Variants in RBFOX1 observed in about 807,000 individuals in gnomAD.
RBFOX1 encodes RNA binding fox-1 homolog 1, also known as RNA binding protein fox-1 homolog 1.
A neutral mutation model predicts 57.7 loss-of-function variants in RBFOX1; 8 were observed. That is an observed-to-expected ratio of 0.14 (90% confidence interval 0.08 to 0.25). RBFOX1 has a LOEUF of 0.25. RBFOX1 is among the 10% of genes least tolerant of loss of function. The probability of loss-of-function intolerance (pLI) is 1.00; values close to 1 mark genes in which losing one functional copy is unlikely to be tolerated. For missense variants in RBFOX1, 611 were observed against 548.5 expected (o/e 1.11, Z -1.14); for synonymous variants, 326 against 222.4 (o/e 1.47, Z -4.15).
chr16:6,737,471 C>T (rs1237267653), intron 3 of RBFOX1, among the ~76,000 whole-genome samples: 1 of 152,188 alleles, frequency 6.6e-6, no homozygotes, highest in Non-Finnish European at 1.5e-5. Flanking sequence ...AGACATGTTA[C>T]TCCTTGTCCA....
chr16:6,417,590 A>G (rs1481014020), intron 2 of RBFOX1, among the ~76,000 whole-genome samples: 4 of 145,454 alleles, frequency 2.8e-5, no homozygotes, highest in African/African-American at 5.5e-5. Context: ...GGGTTTCACC[A>G]TGTTGTCCAG....
chr16:6,534,631 A>T lies in RBFOX1; in HGVS notation c.-63-119972A>T, dbSNP rs143008835. ...TTTACACTAATCGTCACAAGACCGC[A>T]ATCTACCTTTTATATAAATGCAATA... On this transcript the variant is annotated intron_variant, in intron 2 of 15. Coordinates refer to ENST00000550418, the MANE Select transcript of RBFOX1 (RefSeq NM_018723.4). Among the ~76,000 whole-genome samples the T allele has an allele frequency of 2.0e-3, 307 of 152,308 alleles. 1 individual carries two copies. Among genetic ancestry groups the T allele is most frequent in the African/African-American group, 7.1e-3 (296 of 41,578 alleles).
intron 4 of RBFOX1, among the ~76,000 whole-genome samples, chr16:7,488,192 C>T (rs563845608): frequency 1.6e-4 from 25 of 152,152 alleles, no homozygotes; most frequent in African/African-American, 4.8e-4. Flanking sequence ...TCATCTGCAG[C>T]GTGCTCATCC....
intron 1 of RBFOX1, among the ~76,000 whole-genome samples, chr16:6,066,448 G>T (rs1347744121): frequency 2.0e-5 from 3 of 152,062 alleles, no homozygotes; most frequent in Non-Finnish European, 4.4e-5. Flanking sequence ...AAAACCCTTT[G>T]TTCAGATACA....
rs554354860 is a variant in RBFOX1, at chr16:6,363,399, C to G, written c.-64+46342C>G. ...CCTAAATCTTTGCTTGCAAAGTTGA[C>G]CAGTGATGCACAGAATGAGGCAGAA... On this transcript the variant is annotated intron_variant, in intron 2 of 15. Coordinates refer to ENST00000550418, the MANE Select transcript of RBFOX1 (RefSeq NM_018723.4). Among the ~76,000 whole-genome samples, 17 of 152,246 alleles carry G rather than the reference C, an allele frequency of 1.1e-4. No individual in the cohort carries two copies. In the East Asian group the frequency reaches 2.9e-3, roughly 26 times the overall value.
intron 3 of RBFOX1, among the ~76,000 whole-genome samples, chr16:7,031,467 A>C (rs1290274767): frequency 6.6e-6 from 1 of 152,018 alleles, no homozygotes; most frequent in South Asian, 2.1e-4. Flanking sequence ...ATGGTGGCAC[A>C]TGCCTGTAGT....
chr16:6,767,947 T>TAATAATAATAATAATAATAAGAAGAAG (rs1410744665), intron 3 of RBFOX1, among the ~76,000 whole-genome samples: 9 of 101,048 alleles, frequency 8.9e-5, no homozygotes, highest in African/African-American at 3.8e-4. Flanking sequence ...ATAATAATAA[T>TAATAATAATAATAATAATAAGAAGAAG]AAGAAGAAGA....
intron 3 of RBFOX1, among the ~76,000 whole-genome samples, chr16:7,047,982 G>A (rs1053547847): frequency 2.1e-5 from 3 of 140,764 alleles, no homozygotes; most frequent in Admixed American, 7.3e-5. Context: ...GGGTTCAAGC[G>A]ATTCTCCTGT....
At chr16:6,992,206 C>T (rs1005783024) in intron 3 of RBFOX1, among the ~76,000 whole-genome samples, 5 of 150,834 alleles carry the variant, frequency 3.3e-5, no homozygotes, top group African/African-American at 1.2e-4. Flanking sequence ...CTCTGTTGCA[C>T]AGGCTGGAGT....
intron 2 of RBFOX1, among the ~76,000 whole-genome samples, chr16:5,522,281 T>C (rs2044051841): frequency 6.6e-6 from 1 of 152,244 alleles, no homozygotes; most frequent in Non-Finnish European, 1.5e-5. Context: ...TTTGTTCATC[T>C]GTAAAATGGG....
intron 2 of RBFOX1, among the ~76,000 whole-genome samples, chr16:6,647,479 C>T (rs866119987): frequency 6.6e-6 from 1 of 152,112 alleles, no homozygotes; most frequent in African/African-American, 2.4e-5. Flanking sequence ...AGCCCCTGCC[C>T]TCAAGTGATA....
At position 7,455,620 on chromosome 16, in the gene RBFOX1, C is replaced by A. The variant is rs559471167; in HGVS notation, c.28-62527C>A. ...CAGCCTAGGCAACGTGGTGAAATCC[C>A]ATCTCTACTGAAATACAAAAAAAAA... On this transcript the variant is annotated intron_variant, in intron 4 of 15. Transcript: ENST00000550418. Among the ~76,000 whole-genome samples, 5 of 151,090 alleles carry A rather than the reference C, an allele frequency of 3.3e-5. No homozygotes were observed. In the South Asian group the frequency reaches 1.0e-3, roughly 32 times the overall value.
At chr16:7,037,228 CTTTTTTTTTTTTTTTTT>C (rs889539532) in intron 3 of RBFOX1, among the ~76,000 whole-genome samples, 1 of 80,524 alleles carries the variant, frequency 1.2e-5, no homozygotes, top group African/African-American at 6.8e-5. Context: ...GTCTTAGCCT[CTTTTTTTTTTTTTTTTT>C]TTTTTTTTTT....
chr16:7,502,500 G>C (rs2071289900), intron 4 of RBFOX1, among the ~76,000 whole-genome samples: 1 of 152,164 alleles, frequency 6.6e-6, no homozygotes, highest in Non-Finnish European at 1.5e-5. Context: ...TTTAGACTAT[G>C]TTTACGTACC....
chr16:5,720,047 G>C (rs2051869949), intron 3 of RBFOX1, among the ~76,000 whole-genome samples: 1 of 151,900 alleles, frequency 6.6e-6, no homozygotes, highest in South Asian at 2.1e-4. Context: ...AATAAATGAA[G>C]CTTCAATTTT....
At chr16:6,219,295 T>G (rs748875364) in intron 1 of RBFOX1, among the ~76,000 whole-genome samples, 1 of 151,770 alleles carries the variant, frequency 6.6e-6, no homozygotes, top group Non-Finnish European at 1.5e-5. Flanking sequence ...ACTGGGAGAC[T>G]GCATCACTGC....
Position 5,584,743 on chromosome 16 carries a change from G to T in RBFOX1, c.259-14159G>T, listed in dbSNP as rs547640474. Among the ~76,000 whole-genome samples the T allele has an allele frequency of 3.3e-5, 5 of 152,176 alleles. No individual in the cohort carries two copies. The East Asian group carries it at 9.7e-4, about 29-fold the overall frequency. ...TAGATGGAAGTTCTCATTGCACCGG[G>T]GACTGTAGTTCTGTTACTGCTTGGG... On this transcript the variant is annotated intron_variant, in intron 2 of 2. Coordinates refer to the RBFOX1 transcript ENST00000585867.
intron 11 of RBFOX1, among the ~76,000 whole-genome samples, chr16:7,650,045 G>C (rs1489324262): frequency 1.3e-5 from 2 of 151,738 alleles, no homozygotes; most frequent in Admixed American, 1.3e-4. Flanking sequence ...GGAAGGACAG[G>C]AGGGAGGGAA....
At chr16:5,885,813 C>G (rs574170928) in intron 4 of RBFOX1, among the ~76,000 whole-genome samples, 1 of 152,268 alleles carries the variant, frequency 6.6e-6, no homozygotes, top group South Asian at 2.1e-4. Flanking sequence ...CCTAAAGTAT[C>G]TAGGTGCTGC....
Sources: allele counts gnomAD v4.1 joint callset (sites outside exome capture counted in the v4.1 genomes callset), GRCh38; gene constraint gnomAD v4.1.1; transcripts MANE v1.5; gene names NCBI Gene and HGNC (gene_info 2026-07-23, HGNC 2026-07-21).